MYO18B: variants seen among roughly 807,000 people sequenced by gnomAD.
MYO18B encodes unconventional myosin-XVIIIb.
Under a neutral mutation model 273.0 loss-of-function variants are expected in MYO18B, and 204 were observed. The observed-to-expected ratio is 0.75, with a 90% CI of 0.67 to 0.84. The LOEUF is 0.84. Ranked by LOEUF, MYO18B falls within the 40% of genes least tolerant of loss-of-function variation. The pLI, the probability that MYO18B is intolerant of heterozygous loss-of-function variation, is 0.00. For missense variants in MYO18B, 3,212 were observed against 3,287.6 expected (o/e 0.98, Z 0.56); for synonymous variants, 1,330 against 1,305.7 (o/e 1.02, Z -0.40).
At chr22:25,870,914 A>AAAAC (rs1432847169) in intron 22 of MYO18B, among the ~76,000 whole-genome samples, 23 of 152,240 alleles carry the variant, frequency 1.5e-4, no homozygotes, top group Non-Finnish European at 3.4e-4. Context: ...AAGAAGAAAG[A>AAAAC]AAACAGTCAT....
intron 39 of MYO18B, among the ~76,000 whole-genome samples, chr22:25,962,843 C>G (rs1049802216): frequency 3.3e-5 from 5 of 152,182 alleles, no homozygotes; most frequent in Admixed American, 2.6e-4. Context: ...CTCTCACTTG[C>G]ATTCAGCAAG....
At chr22:25,881,601 C>T (rs2091336722) in intron 25 of MYO18B, among the ~76,000 whole-genome samples, 1 of 152,172 alleles carries the variant, frequency 6.6e-6, no homozygotes, top group African/African-American at 2.4e-5. Flanking sequence ...ATTTGCCATG[C>T]ATCGGCTGTT....
chr22:26,003,230 G>A (rs547998481), intron 40 of MYO18B, 35 bp from the exon 41 acceptor site: 8 of 1,591,548 alleles, frequency 5.0e-6, no homozygotes, highest in South Asian at 2.3e-5. Context: ...CTGGCAGCAC[G>A]AGGATAACAC....
intron 40 of MYO18B, among the ~76,000 whole-genome samples, chr22:26,002,932 A>G (rs1347630844): frequency 6.6e-6 from 1 of 152,214 alleles, no homozygotes; most frequent in East Asian, 1.9e-4. Context: ...AGCAATAACA[A>G]TGCTATTAAT....
intron 11 of MYO18B, among the ~76,000 whole-genome samples, chr22:25,796,908 C>T (rs1454191343): frequency 6.6e-6 from 1 of 152,202 alleles, no homozygotes; most frequent in Non-Finnish European, 1.5e-5. Context: ...TATCTTCTCC[C>T]CATCTCTATC....
At chr22:26,053,874 A>G in the MYO18B span, among the ~76,000 whole-genome samples, 1 of 152,190 alleles carries the variant, frequency 6.6e-6, no homozygotes, top group Non-Finnish European at 1.5e-5. Flanking sequence ...GATGTGAGAA[A>G]TCTTTGATGG....
At chr22:25,756,091 G>A (rs1274516936) in intron 1 of MYO18B, among the ~76,000 whole-genome samples, 1 of 151,984 alleles carries the variant, frequency 6.6e-6, no homozygotes, top group Non-Finnish European at 1.5e-5. Context: ...TAGAGATGGG[G>A]TTTCACCGTG....
chr22:25,999,787 C>T (rs1467171611), intron 40 of MYO18B, among the ~76,000 whole-genome samples: 1 of 151,894 alleles, frequency 6.6e-6, no homozygotes, highest in Admixed American at 6.6e-5. Context: ...TCCCGAGTAG[C>T]TGGGACTACA....
rs769759360 is a variant in MYO18B, at chr22:25,950,467, A to C, written c.5832+17A>C. 22 of 1,586,478 alleles carry C rather than the reference A, an allele frequency of 1.4e-5. No homozygotes were observed. Among genetic ancestry groups the C allele is most frequent in the East Asian group, 4.6e-5 (2 of 43,470 alleles). On this transcript the variant is annotated intron_variant, in intron 37 of 43. Coordinates refer to ENST00000335473, the MANE Select transcript of MYO18B (RefSeq NM_032608.7). ...CAAGAACAAGTATGTGCTCAGAGCC[A>C]TCCTATAGTTGTATTAGTCAGGGTT...
At chr22:26,006,356 T>C (rs903292082) in intron 42 of MYO18B, 3 of 179,124 alleles carry the variant, frequency 1.7e-5, no homozygotes, top group African/African-American at 7.2e-5. Flanking sequence ...TAATTGGCAA[T>C]ATCAATATTG....
chr22:25,823,908 G>C (rs1256161767), intron 13 of MYO18B, among the ~76,000 whole-genome samples: 1 of 152,226 alleles, frequency 6.6e-6, no homozygotes, highest in Non-Finnish European at 1.5e-5. Context: ...ACCTGGCAGG[G>C]AGCCCCGCGC....
At chr22:25,987,497 A>G (rs1215256394) in intron 39 of MYO18B, among the ~76,000 whole-genome samples, 1 of 152,196 alleles carries the variant, frequency 6.6e-6, no homozygotes, top group African/African-American at 2.4e-5. Context: ...TTACATATGT[A>G]TCATGTATAT....
intron 34 of MYO18B, among the ~76,000 whole-genome samples, chr22:25,933,561 G>A (rs2092538027): frequency 6.6e-6 from 1 of 152,106 alleles, no homozygotes; most frequent in African/African-American, 2.4e-5. Context: ...TTATGCATGT[G>A]AGCTATATTG....
chr22:25,750,162 T>C (rs2146534921), intron 1 of MYO18B, among the ~76,000 whole-genome samples: 1 of 152,158 alleles, frequency 6.6e-6, no homozygotes, highest in African/African-American at 2.4e-5. Context: ...GCCTGAACTG[T>C]CAGAGGAGGG....
At chr22:26,020,517 G>A (rs1261999511) in intron 42 of MYO18B, among the ~76,000 whole-genome samples, 1 of 152,142 alleles carries the variant, frequency 6.6e-6, no homozygotes, top group Non-Finnish European at 1.5e-5. Context: ...GATGAAAGAG[G>A]TCATTAAAAG....
Position 25,760,428 on chromosome 22 carries a change from A to C in MYO18B, c.-109-556A>C, listed in dbSNP as rs1389316341. ...CTCCATCTCAAAAAAAAAAAAAAAA[A>C]AAAAAACACAAAAACAAATAATAGT... On this transcript the variant is annotated intron_variant, in intron 1 of 43. Transcript: ENST00000335473. 7.3e-5 allele frequency among the ~76,000 whole-genome samples: 11 copies of C among 149,866 alleles called. No individual in the cohort carries two copies. In the South Asian group the frequency reaches 8.5e-4, roughly 12 times the overall value.
At chr22:25,787,254 G>C (rs1213968305) in intron 11 of MYO18B, among the ~76,000 whole-genome samples, 2 of 134,096 alleles carry the variant, frequency 1.5e-5, no homozygotes, top group Admixed American at 8.0e-5. Flanking sequence ...TGCTAAGCCT[G>C]TGTGCGTGCA....
rs757975533 is a variant in MYO18B at position 26,027,404 on chromosome 22, C to T, written c.7430C>T (p.Thr2477Met). ...CAGCGTTCAAGCATCCACTTTGAAA[C>T]GGAAGAGGCTAACCGTTCCTTTCTC... ...GSQRSSIHFE[T>M]EEANRSFLSG... Residue 2477 changes from threonine (T) to methionine (M), a missense_variant, in exon 43 of 44, where the codon ACG becomes ATG. Transcript: ENST00000335473. This position sits in a 1 kb window ranked among gnomAD's most constrained non-coding sequence, Gnocchi z 4.1. The T allele has an allele frequency of 5.1e-5, 82 of 1,613,838 alleles. No individual in the cohort carries two copies. Among genetic ancestry groups the T allele is most frequent in the Non-Finnish European group, 6.5e-5 (77 of 1,179,888 alleles).
intron 12 of MYO18B, among the ~76,000 whole-genome samples, chr22:25,809,825 G>C (rs558816794): frequency 6.6e-6 from 1 of 152,228 alleles, no homozygotes; most frequent in South Asian, 2.1e-4. Context: ...GGTAAGACCT[G>C]AGTGTAGATG....
Sources: gnomAD v4.1 joint callset for allele counts (sites outside exome capture counted in the v4.1 genomes callset) on GRCh38, gnomAD v4.1.1 for gene constraint, Gnocchi (gnomAD v3.1) non-coding constraint, MANE v1.5 for transcripts, NCBI Gene and HGNC (gene_info 2026-07-23, HGNC 2026-07-21) for gene names.